FGD6: variants seen among roughly 807,000 people sequenced by gnomAD.
FGD6 encodes the protein FYVE, RhoGEF and PH domain containing 6.
A neutral mutation model predicts 149.4 loss-of-function variants in FGD6; 90 were observed. That is an observed-to-expected ratio of 0.60 (90% CI 0.51 to 0.72). The LOEUF is 0.72. Ranked by LOEUF, FGD6 falls within the 30% of genes least tolerant of loss-of-function variation. FGD6 has a pLI of 0.00. For synonymous variants in FGD6, 527 were observed against 584.0 expected (o/e 0.90, Z 1.41); for missense variants, 1,437 against 1,684.8 (o/e 0.85, Z 2.57).
intron 3 of FGD6, among the ~76,000 whole-genome samples, chr12:95,165,633 C>A (rs538629393): frequency 6.7e-6 from 1 of 150,368 alleles, no homozygotes; most frequent in South Asian, 2.1e-4. Flanking sequence ...CCACCGCGCC[C>A]GGCCAATTTT....
intron 12 of FGD6, 99 bp from the exon 13 acceptor site, chr12:95,107,136 T>C (rs1878655115): frequency 1.2e-6 from 1 of 805,316 alleles, no homozygotes; most frequent in Admixed American, 2.3e-5. Context: ...AATACCTCTT[T>C]GCTAATAGCT....
At chr12:95,152,755 G>A in intron 5 of FGD6, 56 bp downstream of exon 5, 1 of 1,526,300 alleles carries the variant, frequency 6.6e-7, no homozygotes, top group Non-Finnish European at 9.0e-7. Flanking sequence ...CTAGGGGTAG[G>A]GAAAGTACAA....
intron 2 of FGD6, among the ~76,000 whole-genome samples, chr12:95,207,202 T>C (rs1316174851): frequency 6.6e-6 from 1 of 152,126 alleles, no homozygotes; most frequent in Non-Finnish European, 1.5e-5. Flanking sequence ...ATAATGGGCT[T>C]TTCAATCTTT....
At chr12:95,191,171 T>G (rs189464867) in intron 2 of FGD6, among the ~76,000 whole-genome samples, 3 of 152,360 alleles carry the variant, frequency 2.0e-5, no homozygotes, top group Admixed American at 6.5e-5. Flanking sequence ...CTGCTTTTGA[T>G]TGGCATGGGA....
rs571683658 is a variant in FGD6, at chr12:95,079,215, G to A, written c.*2305C>T. The A allele has an allele frequency of 6.6e-6, 1 of 152,232 alleles. No individual in the cohort carries two copies. The highest frequency in any genetic ancestry group is 1.9e-4 in the East Asian group (1 of 5,184). The allele number at this position is 152,232 out of a possible 1,614,324, so 9.4% of individuals were successfully genotyped here. On this transcript the variant is annotated 3_prime_UTR_variant, in exon 21 of 21. Transcript: ENST00000343958. ...TTCCACATTTAAAACATCTTTTTGG[G>A]AGAAGGATAATTGGATAGCTTCCAC...
In FGD6 at chr12:95,081,247, CTGGTCTCTAAAGAAA is replaced by C. The variant is rs1877663267; in HGVS notation, c.*258_*272del. ...AGTATACAGTATTAAGATAGTTTTTCTGGTCTCTAAAGAAATGGTACTTTAGAATTCAGTGTGTCT... is the reference window on the plus strand; with the variant it reads ...AGTATACAGTATTAAGATAGTTTTTCTGGTACTTTAGAATTCAGTGTGTCT... On this transcript the variant is annotated 3_prime_UTR_variant, in exon 21 of 21. Coordinates refer to ENST00000343958, the MANE Select transcript of FGD6 (RefSeq NM_018351.4). 1 of 279,076 alleles carries C rather than the reference CTGGTCTCTAAAGAAA, an allele frequency of 3.6e-6. No individual in the cohort carries two copies. The highest frequency in any genetic ancestry group is 5.0e-5 in the Admixed American group (1 of 20,088). The allele number at this position is 279,076 out of a possible 1,614,324, so 17.3% of individuals were successfully genotyped here. A position where few individuals can be genotyped will look rare whatever the true frequency, so the allele number is the denominator to read the frequency against.
intron 2 of FGD6, among the ~76,000 whole-genome samples, chr12:95,191,630 G>A (rs1881590066): frequency 6.6e-6 from 1 of 152,110 alleles, no homozygotes; most frequent in African/African-American, 2.4e-5. Flanking sequence ...GTATCTGTGG[G>A]GGATTGGTTT....
rs376311018 is a variant in FGD6 at position 95,208,796 on chromosome 12, G to A, written c.2441+47C>T. 30 of 1,561,370 alleles carry A rather than the reference G, an allele frequency of 1.9e-5. No homozygotes were observed. The South Asian group carries it at 2.3e-4, about 12-fold the overall frequency. On this transcript the variant is annotated intron_variant, in intron 2 of 20. Coordinates refer to ENST00000343958, the MANE Select transcript of FGD6 (RefSeq NM_018351.4). ...TTCCTAACTCACCAGGCTGTTGAAG[G>A]TTAATTGCAATGATGCATGCAAAAG...
chr12:95,153,276 C>T (rs1281912037), intron 3 of FGD6, among the ~76,000 whole-genome samples: 1 of 152,178 alleles, frequency 6.6e-6, no homozygotes, highest in Non-Finnish European at 1.5e-5. Flanking sequence ...ATCAGTGGTT[C>T]AAAATGGAAG....
chr12:95,213,593 C>T (rs1026348800), intron 1 of FGD6, among the ~76,000 whole-genome samples: 9 of 152,144 alleles, frequency 5.9e-5, no homozygotes, highest in African/African-American at 2.2e-4. Context: ...TAATCTTTTA[C>T]TTTCCGTATC....
intron 8 of FGD6, among the ~76,000 whole-genome samples, chr12:95,132,766 TAAATAAAC>T (rs1879561868): frequency 6.6e-6 from 1 of 151,774 alleles, no homozygotes; most frequent in Non-Finnish European, 1.5e-5. Context: ...AATAAATAAA[TAAATAAAC>T]AAATAAATAA....
In FGD6 at chr12:95,077,036, A is replaced by T. The variant is rs1345766786; in HGVS notation, c.*4484T>A. ...ATATTTAGGCTTTAAAAAATTTCCT[A>T]CTACCTTTATCTTTTAAAAAACCCT... On this transcript the variant is annotated 3_prime_UTR_variant, in exon 21 of 21. Coordinates refer to ENST00000343958, the MANE Select transcript of FGD6 (RefSeq NM_018351.4). The T allele has an allele frequency of 6.6e-6, 1 of 152,166 alleles. No individual in the cohort carries two copies. Among genetic ancestry groups the T allele is most frequent in the African/African-American group, 2.4e-5 (1 of 41,448 alleles). The allele number at this position is 152,166 out of a possible 1,614,324, so 9.4% of individuals were successfully genotyped here.
chr12:95,141,357 C>G, intron 6 of FGD6, 31 bp downstream of exon 6: 1 of 1,605,718 alleles, frequency 6.2e-7, no homozygotes, highest in Non-Finnish European at 8.5e-7. Flanking sequence ...ATTGGAAACA[C>G]TAGGAAAATC....
At chr12:95,146,558 T>C (rs921166527) in intron 5 of FGD6, among the ~76,000 whole-genome samples, 2 of 152,010 alleles carry the variant, frequency 1.3e-5, no homozygotes, top group African/African-American at 2.4e-5. Flanking sequence ...AGTGTGAAAA[T>C]GTTAGTTAGC....
chr12:95,109,337 A>G (rs1878736513), intron 9 of FGD6, among the ~76,000 whole-genome samples: 1 of 152,226 alleles, frequency 6.6e-6, no homozygotes, highest in Admixed American at 6.5e-5. Context: ...GAACCTGTGT[A>G]AAGACAATTT....
intron 7 of FGD6, among the ~76,000 whole-genome samples, 159 bp from the exon 8 acceptor site, chr12:95,134,985 TGA>T (rs1879626934): frequency 6.6e-6 from 1 of 152,192 alleles, no homozygotes; most frequent in South Asian, 2.1e-4. Context: ...TTAGATACAC[TGA>T]GAGTGAACCC....
At chr12:95,082,984 T>TTTAAAAA (rs1386719189) in intron 20 of FGD6, among the ~76,000 whole-genome samples, 1 of 31,112 alleles carries the variant, frequency 3.2e-5, no homozygotes, top group Admixed American at 6.4e-4. Flanking sequence ...CTGTCTCCAT[T>TTTAAAAA]AAAAAAAAAA....
intron 14 of FGD6, chr12:95,100,569 C>G (rs1463547157): frequency 4.9e-6 from 2 of 410,208 alleles, no homozygotes; most frequent in African/African-American, 2.1e-5. Flanking sequence ...TTGGCTGTAT[C>G]TGTTCCCACG....
In FGD6 at chr12:95,210,533, C is replaced by T; in HGVS notation, c.751G>A (p.Glu251Lys). The change falls in exon 2 of 21, where the codon GAA (glutamate) becomes AAA (lysine). Residue 251 changes from glutamate (E) to lysine (K), a missense_variant. Physicochemically the swap from Glu to Lys is moderately conservative, Grantham distance 56. Coordinates refer to ENST00000343958, the MANE Select transcript of FGD6 (RefSeq NM_018351.4). ...TCATCCTGGCAAGTTTCAAAATGTT[C>T]ACATTCATCACTAGGAAGCTGTAAG... ...CHLQLPSDEC[E>K]HFETCQDDSE... 1 of 1,613,998 alleles carries T rather than the reference C, an allele frequency of 6.2e-7. No homozygotes were observed.
Sources: allele counts gnomAD v4.1 joint callset (sites outside exome capture counted in the v4.1 genomes callset), GRCh38; gene constraint gnomAD v4.1.1; transcripts MANE v1.5; gene names NCBI Gene and HGNC (gene_info 2026-07-23, HGNC 2026-07-21).